Variants in XKR4 observed in about 807,000 individuals in gnomAD.
XKR4 encodes the protein XK related 4, also known as XK-related protein 4.
Under a neutral mutation model 53.9 loss-of-function variants are expected in XKR4, and 12 were observed. The observed-to-expected ratio is 0.22, with a 90% CI of 0.14 to 0.36. XKR4 has a LOEUF of 0.36. Ranked by LOEUF, XKR4 falls within the 10% of genes least tolerant of loss-of-function variation. The probability of loss-of-function intolerance (pLI) is 1.00; values close to 1 mark genes in which losing one functional copy is unlikely to be tolerated. For missense variants in XKR4, 799 were observed against 859.5 expected (o/e 0.93, Z 0.88); for synonymous variants, 354 against 362.4 (o/e 0.98, Z 0.26).
intron 2 of XKR4, among the ~76,000 whole-genome samples, chr8:55,438,749 T>C (rs1234977353): frequency 6.6e-6 from 1 of 152,134 alleles, no homozygotes; most frequent in Non-Finnish European, 1.5e-5. Context: ...ACTCATAAAA[T>C]GTTATATAAA....
intron 1 of XKR4, among the ~76,000 whole-genome samples, chr8:55,108,042 G>A (rs1241494144): frequency 1.3e-5 from 2 of 152,144 alleles, no homozygotes; most frequent in African/African-American, 4.8e-5. Context: ...AAATAAGCAC[G>A]ATAGAAACAG....
rs1389730691 is a variant in XKR4, at chr8:55,526,241, ATG to A, written c.*2015_*2016del. On this transcript the variant is annotated 3_prime_UTR_variant, in exon 3 of 3. Coordinates refer to ENST00000327381, the MANE Select transcript of XKR4 (RefSeq NM_052898.2). Reference sequence around the variant, plus strand: ...TCCAGTTCTCTAGCCACCACCTGTAATGGGTGTGTCATCCAGAGACTGTGTCC... The same window carrying A: ...TCCAGTTCTCTAGCCACCACCTGTAAGGTGTGTCATCCAGAGACTGTGTCC... 22 of 152,410 alleles carry A rather than the reference ATG, an allele frequency of 1.4e-4. No homozygotes were observed. Among genetic ancestry groups the A allele is most frequent in the African/African-American group, 5.0e-4 (21 of 41,596 alleles). The allele number at this position is 152,410 out of a possible 1,614,324, so 9.4% of individuals were successfully genotyped here.
intron 1 of XKR4, among the ~76,000 whole-genome samples, chr8:55,138,167 T>C (rs897414749): frequency 6.6e-6 from 1 of 151,778 alleles, no homozygotes; most frequent in African/African-American, 2.4e-5. Context: ...GAGGGTTCCT[T>C]TTTTTTTGTT....
At chr8:55,429,401 AC>A (rs1805065446) in intron 2 of XKR4, among the ~76,000 whole-genome samples, 1 of 152,096 alleles carries the variant, frequency 6.6e-6, no homozygotes, top group Non-Finnish European at 1.5e-5. Flanking sequence ...AAGGTTGATA[AC>A]AAAAAAAAAA....
rs1227604133 is a variant in XKR4 at position 55,177,040 on chromosome 8, C to CT, written c.806+73759dup. On this transcript the variant is annotated intron_variant, in intron 1 of 2. Coordinates refer to ENST00000327381, the MANE Select transcript of XKR4 (RefSeq NM_052898.2). The stretch of plus-strand genomic sequence containing the variant: ...TGAGTGGTCTACCCTTCTTCTTCTT[C>CT]TTTTTTTTTTTTTCCAGACAGAGTC... 9.3e-3 allele frequency among the ~76,000 whole-genome samples: 1,342 copies of CT among 143,818 alleles called. 9 individuals carry two copies. The highest frequency in any genetic ancestry group is 0.017 in the East Asian group (86 of 4,922). 94.4% of individuals were successfully genotyped at this position (143,818 alleles called of 152,430 possible).
intron 2 of XKR4, among the ~76,000 whole-genome samples, chr8:55,485,912 CATAATTCTGG>C (rs1407145938): frequency 6.6e-5 from 10 of 152,082 alleles, no homozygotes. Context: ...AGCCCAAAAA[CATAATTCTGG>C]AAAATGTAAT....
At chr8:55,149,395 TG>T (rs1816812470) in intron 1 of XKR4, among the ~76,000 whole-genome samples, 1 of 151,718 alleles carries the variant, frequency 6.6e-6, no homozygotes, top group South Asian at 2.1e-4. Context: ...GAGGTCGGGG[TG>T]GGGACAGGAG....
At chr8:55,518,477 G>A (rs576487411) in intron 2 of XKR4, among the ~76,000 whole-genome samples, 14 of 152,154 alleles carry the variant, frequency 9.2e-5, no homozygotes, top group East Asian at 5.8e-4. Flanking sequence ...ATTTATCCCC[G>A]CCTAAAAGAC....
At position 55,523,848 on chromosome 8, in the gene XKR4, G is replaced by A. The variant is rs1230831134; in HGVS notation, c.1574G>A (p.Ser525Asn). ...GGACCCAGATTCGGGCAGTCACCAA[G>A]TTGTGCTTGTGAGGACCCAGCCGCT... ...PNGPRFGQSP[S>N]CACEDPAAAF... Residue 525 changes from serine (S) to asparagine (N), a missense_variant, in exon 3 of 3, where the codon AGT becomes AAT. Transcript: ENST00000327381. The A allele has an allele frequency of 7.4e-6, 12 of 1,614,048 alleles. No individual in the cohort carries two copies. Among genetic ancestry groups the A allele is most frequent in the Non-Finnish European group, 8.5e-6 (10 of 1,180,028 alleles).
At chr8:55,384,380 T>A (rs1403549126) in intron 2 of XKR4, among the ~76,000 whole-genome samples, 7 of 152,396 alleles carry the variant, frequency 4.6e-5, no homozygotes, top group Non-Finnish European at 1.0e-4. Flanking sequence ...TTTATTATTT[T>A]ATTGACTGTG....
intron 2 of XKR4, among the ~76,000 whole-genome samples, chr8:55,359,536 A>C (rs1803870131): frequency 6.6e-6 from 1 of 152,222 alleles, no homozygotes; most frequent in Non-Finnish European, 1.5e-5. Flanking sequence ...GCTCATCTCC[A>C]GAACAACTTG....
chr8:55,407,295 AAGCGGGGCTTTCGCACTGCT>A (rs1804698516), intron 2 of XKR4, among the ~76,000 whole-genome samples: 1 of 152,208 alleles, frequency 6.6e-6, no homozygotes. Context: ...GTCGGGTGTG[AAGCGGGGCTTTCGCACTGCT>A]TCCCAGGAAT....
chr8:55,171,580 G>A (rs975248717), intron 1 of XKR4, among the ~76,000 whole-genome samples: 6 of 152,230 alleles, frequency 3.9e-5, no homozygotes, highest in African/African-American at 1.4e-4. Context: ...TTCCTCGTCT[G>A]TATGTTCTTA....
intron 1 of XKR4, among the ~76,000 whole-genome samples, chr8:55,188,712 T>C (rs894237957): frequency 1.3e-5 from 2 of 152,198 alleles, no homozygotes; most frequent in African/African-American, 4.8e-5. Context: ...TCCAGCACTT[T>C]CAAGATGGGT....
chr8:55,189,608 C>T (rs550815601), intron 1 of XKR4, among the ~76,000 whole-genome samples: 1 of 152,254 alleles, frequency 6.6e-6, no homozygotes, highest in African/African-American at 2.4e-5. Context: ...ATATGTTGTG[C>T]TATAACATCA....
intron 1 of XKR4, among the ~76,000 whole-genome samples, chr8:55,321,712 C>G (rs1366493182): frequency 6.6e-6 from 1 of 152,148 alleles, no homozygotes; most frequent in Non-Finnish European, 1.5e-5. Context: ...TATCTTGGGC[C>G]GGGCATGGTG....
intron 1 of XKR4, chr8:55,140,201 G>A (rs1406663747): frequency 2.4e-6 from 1 of 412,942 alleles, no homozygotes; most frequent in Non-Finnish European, 4.8e-6. Context: ...TCAAAGGTGA[G>A]TTCCATCTGC....
intron 1 of XKR4, among the ~76,000 whole-genome samples, chr8:55,176,356 G>A (rs1022029284): frequency 1.3e-5 from 2 of 152,170 alleles, no homozygotes; most frequent in African/African-American, 2.4e-5. Flanking sequence ...CCCTGTGCAC[G>A]GTCCCCAGCC....
chr8:55,409,161 T>C (rs1804739559), intron 2 of XKR4, among the ~76,000 whole-genome samples: 1 of 152,078 alleles, frequency 6.6e-6, no homozygotes, highest in African/African-American at 2.4e-5. Context: ...GTGAACCAAT[T>C]CTCAGGCATA....
Sources: gnomAD v4.1 joint callset for allele counts (sites outside exome capture counted in the v4.1 genomes callset) on GRCh38, gnomAD v4.1.1 for gene constraint, MANE v1.5 for transcripts, NCBI Gene and HGNC (gene_info 2026-07-23, HGNC 2026-07-21) for gene names.